Variants in KCNQ1 observed in about 807,000 individuals in gnomAD.
The protein encoded by KCNQ1 is potassium voltage-gated channel subfamily KQT member 1.
KCNQ1 carries 49 observed loss-of-function variants against 72.4 expected under a neutral mutation model. That is an observed-to-expected ratio of 0.68 (90% CI 0.54 to 0.86). The LOEUF is 0.86. KCNQ1 is among the 40% of genes least tolerant of loss of function. The pLI, the probability that KCNQ1 is intolerant of heterozygous loss-of-function variation, is 0.00. For missense variants in KCNQ1, 790 were observed against 945.1 expected (o/e 0.84, Z 2.15); for synonymous variants, 450 against 412.6 (o/e 1.09, Z -1.10).
At chr11:2,540,096 T>C (rs1847800126) in intron 2 of KCNQ1, among the ~76,000 whole-genome samples, 1 of 152,088 alleles carries the variant, frequency 6.6e-6, no homozygotes, top group African/African-American at 2.4e-5. Flanking sequence ...GGATCCACCC[T>C]GTGGGGCCCA....
At chr11:2,512,493 A>G (rs895514324) in intron 1 of KCNQ1, among the ~76,000 whole-genome samples, 1 of 152,002 alleles carries the variant, frequency 6.6e-6, no homozygotes, top group African/African-American at 2.4e-5. Context: ...TGGGATGACA[A>G]CCCCTCCCAG....
rs191667831 is a variant in KCNQ1 at position 2,837,965 on chromosome 11, C to A, written c.1795-9802C>A. ...GGAGATCAGCAGGTGCCGGTGCTTT[C>A]TCTGTCTGCAGGAAGGAGAGGGGGT... On this transcript the variant is annotated intron_variant, in intron 15 of 15. Coordinates refer to ENST00000155840, the MANE Select transcript of KCNQ1 (RefSeq NM_000218.3). Among the ~76,000 whole-genome samples, 545 of 152,344 alleles carry A rather than the reference C, an allele frequency of 3.6e-3. 2 individuals carry two copies. The highest frequency in any genetic ancestry group is 0.013 in the African/African-American group (520 of 41,570).
rs538975355 is a variant in KCNQ1, at chr11:2,826,043, C to T, written c.1795-21724C>T. 6.6e-6 allele frequency among the ~76,000 whole-genome samples: 1 copy of T among 152,304 alleles called. No individual in the cohort carries two copies. Among genetic ancestry groups the T allele is most frequent in the Admixed American group, 6.5e-5 (1 of 15,304 alleles). The stretch of plus-strand genomic sequence containing the variant: ...ATCCTGGAAACGATTTTGTTGTCTG[C>T]AGAGATTATGTGTAACTGCCTGTGA... On this transcript the variant is annotated intron_variant, in intron 15 of 15. Coordinates refer to ENST00000155840, the MANE Select transcript of KCNQ1 (RefSeq NM_000218.3). The surrounding 1 kb of genome is among the most constrained non-coding windows in gnomAD (Gnocchi z 4.2).
Position 2,830,509 on chromosome 11 carries a change from T to C in KCNQ1, c.1795-17258T>C, listed in dbSNP as rs940275368. On this transcript the variant is annotated intron_variant, in intron 15 of 15. Transcript: ENST00000155840. The surrounding 1 kb of genome is among the most constrained non-coding windows in gnomAD (Gnocchi z 7.7). ...ATGTATCCCCACACCCCAGTCCCAGTGTCCCAAGAACCTCTTCCTCCAGCC... is the reference window on the plus strand; with the variant it reads ...ATGTATCCCCACACCCCAGTCCCAGCGTCCCAAGAACCTCTTCCTCCAGCC... Among the ~76,000 whole-genome samples the C allele has an allele frequency of 6.6e-6, 1 of 152,082 alleles. No individual in the cohort carries two copies. Among genetic ancestry groups the C allele is most frequent in the Non-Finnish European group, 1.5e-5 (1 of 67,986 alleles).
At chr11:2,616,938 G>C (rs1196370188) in intron 10 of KCNQ1, 1 of 395,466 alleles carries the variant, frequency 2.5e-6, no homozygotes, top group African/African-American at 2.1e-5. Flanking sequence ...TTGGGCTTCT[G>C]TCTGGCTGTA....
rs968790399 is a variant in KCNQ1 at position 2,549,114 on chromosome 11, G to T, written c.477+21096G>T. On this transcript the variant is annotated intron_variant, in intron 2 of 15. Transcript: ENST00000155840. This position sits in a 1 kb window ranked among gnomAD's most constrained non-coding sequence, Gnocchi z 6.2. ...CAAGGGAGAGTGGCTGGGTGGAGAG[G>T]GGGCAGGCTGAGATCTGAGAAGCCA... is the stretch of plus-strand genomic sequence containing the variant. Among the ~76,000 whole-genome samples the T allele has an allele frequency of 6.6e-6, 1 of 152,160 alleles. No homozygotes were observed. The highest frequency in any genetic ancestry group is 1.5e-5 in the Non-Finnish European group (1 of 68,028).
intron 14 of KCNQ1, chr11:2,777,487 T>A (rs1290578861): frequency 1.9e-6 from 1 of 536,320 alleles, no homozygotes; most frequent in East Asian, 2.9e-5. Context: ...ACCAAATTCC[T>A]TGGGTCCCCT....
At chr11:2,618,483 T>C (rs888247737) in intron 10 of KCNQ1, 14 of 398,500 alleles carry the variant, frequency 3.5e-5, no homozygotes, top group African/African-American at 6.2e-5. Context: ...GTTTTCTTCG[T>C]GTTCTTGTGG....
intron 1 of KCNQ1, chr11:2,461,406 T>TG (rs768501331): frequency 1.6e-6 from 2 of 1,272,138 alleles, no homozygotes; most frequent in African/African-American, 3.0e-5. Flanking sequence ...GCCTGCTGAC[T>TG]GGGTGAGCCG....
chr11:2,811,270 C>T (rs535984593), intron 15 of KCNQ1, among the ~76,000 whole-genome samples: 168 of 152,346 alleles, frequency 1.1e-3, no homozygotes, highest in African/African-American at 3.2e-3. Flanking sequence ...GTCCCTGTTA[C>T]AACCCAGATT....
chr11:2,666,204 G>C (rs1850063831), intron 11 of KCNQ1: 1 of 398,472 alleles, frequency 2.5e-6, no homozygotes, highest in South Asian at 1.3e-4. Flanking sequence ...CCACTCTCCA[G>C]AGGGACACTC....
chr11:2,485,932 C>T (rs996901893), intron 1 of KCNQ1, among the ~76,000 whole-genome samples: 1 of 152,206 alleles, frequency 6.6e-6, no homozygotes, highest in African/African-American at 2.4e-5. Flanking sequence ...TTTTGCTTAT[C>T]CATTCATCTT....
rs954238975 is a variant in KCNQ1, at chr11:2,664,918, C to T, written c.1514+2837C>T. 18 of 398,532 alleles carry T rather than the reference C, an allele frequency of 4.5e-5. No individual in the cohort carries two copies. The highest frequency in any genetic ancestry group is 4.1e-5 in the African/African-American group (2 of 48,614). The allele number at this position is 398,532 out of a possible 1,614,324, so 24.7% of individuals were successfully genotyped here. A position where few individuals can be genotyped will look rare whatever the true frequency, so the allele number is the denominator to read the frequency against. On this transcript the variant is annotated intron_variant, in intron 11 of 15. Transcript: ENST00000155840. The surrounding 1 kb of genome is among the most constrained non-coding windows in gnomAD (Gnocchi z 5.1). ...TTTTGTTTCCATCTCGAGCTCTCCC[C>T]GCCCGCAGGGCCCCAGAGAGGTGAG...
rs1409319238 is a variant in KCNQ1, at chr11:2,468,142, A to G, written c.386+22658A>G. Among the ~76,000 whole-genome samples the G allele has an allele frequency of 6.6e-6, 1 of 152,148 alleles. No homozygotes were observed. The highest frequency in any genetic ancestry group is 1.5e-5 in the Non-Finnish European group (1 of 68,018). On this transcript the variant is annotated intron_variant, in intron 1 of 15. Transcript: ENST00000155840. The surrounding 1 kb of genome is among the most constrained non-coding windows in gnomAD (Gnocchi z 5.7). ...TTTCACAGGCCACAGGCCCATTCCCAGAAGTTTATTTTTTATTTTTCGAGA... is the reference window on the plus strand; with the variant it reads ...TTTCACAGGCCACAGGCCCATTCCCGGAAGTTTATTTTTTATTTTTCGAGA...
chr11:2,517,742 C>T (rs769559259), intron 1 of KCNQ1, among the ~76,000 whole-genome samples: 1 of 152,192 alleles, frequency 6.6e-6, no homozygotes, highest in Non-Finnish European at 1.5e-5. Context: ...TATGCCTGCA[C>T]GTCCTGCCCG....
intron 10 of KCNQ1, among the ~76,000 whole-genome samples, chr11:2,589,800 T>A (rs1848647535): frequency 6.6e-6 from 1 of 152,118 alleles, no homozygotes; most frequent in Admixed American, 6.5e-5. Context: ...CCCACACTGC[T>A]CCAGGGCAGA....
chr11:2,760,161 C>T (rs111745975), intron 11 of KCNQ1, among the ~76,000 whole-genome samples: 1 of 152,280 alleles, frequency 6.6e-6, no homozygotes, highest in East Asian at 1.9e-4. Context: ...GCACTGGGGG[C>T]TCCTGGCTTT....
intron 11 of KCNQ1, chr11:2,681,391 G>A (rs190777761): frequency 3.5e-5 from 14 of 398,336 alleles, no homozygotes; most frequent in Non-Finnish European, 5.3e-5. Flanking sequence ...TTGGGGCTGG[G>A]GTGACTAAAG....
rs994901147 is a variant in KCNQ1 at position 2,745,685 on chromosome 11, C to T, written c.1515-23159C>T. The stretch of plus-strand genomic sequence containing the variant: ...CATCCTTCTGCTGGGCCTCAGCACC[C>T]GGCGGAGGCAGGGGCTTCCTCTGAC... On this transcript the variant is annotated intron_variant, in intron 11 of 15. Coordinates refer to ENST00000155840, the MANE Select transcript of KCNQ1 (RefSeq NM_000218.3). This position sits in a 1 kb window ranked among gnomAD's most constrained non-coding sequence, Gnocchi z 6.2. Among the ~76,000 whole-genome samples, 9 of 152,150 alleles carry T rather than the reference C, an allele frequency of 5.9e-5. No individual in the cohort carries two copies. Among genetic ancestry groups the T allele is most frequent in the African/African-American group, 1.9e-4 (8 of 41,424 alleles).
Sources: allele counts gnomAD v4.1 joint callset (sites outside exome capture counted in the v4.1 genomes callset), GRCh38; gene constraint gnomAD v4.1.1; non-coding constraint Gnocchi (gnomAD v3.1); transcripts MANE v1.5; gene names NCBI Gene and HGNC (gene_info 2026-07-23, HGNC 2026-07-21).